BCAS3: variants seen among roughly 807,000 people sequenced by gnomAD.
The protein encoded by BCAS3 is BCAS3 microtubule associated cell migration factor, also known as BCAS4/BCAS3 fusion.
In BCAS3, 53 loss-of-function variants were observed where a neutral mutation model predicts 116.1. That is an observed-to-expected ratio of 0.46 (90% confidence interval 0.37 to 0.57). The LOEUF (loss-of-function observed/expected upper bound fraction) is 0.57. Among genes scored for constraint, BCAS3 ranks in the 20% least tolerant of loss-of-function variants. The probability of loss-of-function intolerance (pLI) is 0.00; values close to 1 mark genes in which losing one functional copy is unlikely to be tolerated. For missense variants in BCAS3, 917 were observed against 1,165.4 expected (o/e 0.79, Z 3.10); for synonymous variants, 391 against 408.2 (o/e 0.96, Z 0.51).
rs1368228974 is a variant in BCAS3 at position 61,339,362 on chromosome 17, G to A, written c.2426-28965G>A. On this transcript the variant is annotated intron_variant, in intron 22 of 23. Transcript: ENST00000407086. This position sits in a 1 kb window ranked among gnomAD's most constrained non-coding sequence, Gnocchi z 4.4. ...GATCCAGGGGATAAGGATACAATGG[G>A]AAGGCCCATGAAGCCGCCTAAAGGA... Among the ~76,000 whole-genome samples the A allele has an allele frequency of 6.6e-6, 1 of 152,200 alleles. No individual in the cohort carries two copies. The highest frequency in any genetic ancestry group is 2.4e-5 in the African/African-American group (1 of 41,438).
At chr17:61,127,416 A>G (rs1327192447) in intron 22 of BCAS3, among the ~76,000 whole-genome samples, 2 of 152,022 alleles carry the variant, frequency 1.3e-5, no homozygotes, top group Non-Finnish European at 2.9e-5. Context: ...ATAAGGGGAC[A>G]CTGGACATCT....
Position 60,960,163 on chromosome 17 carries a change from A to G in BCAS3, c.1221+12811A>G, listed in dbSNP as rs185905938. ...TGTATTCTATCCTCTGCCTCCCAGA[A>G]TTCATGTTCATGCCATATGCTAAGT... On this transcript the variant is annotated intron_variant, in intron 14 of 23. Coordinates refer to ENST00000407086, the MANE Select transcript of BCAS3 (RefSeq NM_017679.5). This position sits in a 1 kb window ranked among gnomAD's most constrained non-coding sequence, Gnocchi z 4.1. 9.2e-5 allele frequency among the ~76,000 whole-genome samples: 14 copies of G among 152,266 alleles called. No individual in the cohort carries two copies. The highest frequency in any genetic ancestry group is 9.2e-4 in the Admixed American group (14 of 15,290).
At chr17:60,901,882 A>C (rs2057918854) in intron 10 of BCAS3, among the ~76,000 whole-genome samples, 1 of 152,214 alleles carries the variant, frequency 6.6e-6, no homozygotes, top group Non-Finnish European at 1.5e-5. Flanking sequence ...TAAACATACA[A>C]ATCTGGCTAA....
In BCAS3 at chr17:61,261,368, C is replaced by A. The variant is rs781132385; in HGVS notation, c.2426-106959C>A. ...CTTATTCTCTGCTGCAGGATGCTAC[C>A]CCCTGACCCTTTATAAGTCAGCCTT... On this transcript the variant is annotated intron_variant, in intron 22 of 23. Transcript: ENST00000407086. This position sits in a 1 kb window ranked among gnomAD's most constrained non-coding sequence, Gnocchi z 4.4. Among the ~76,000 whole-genome samples the A allele has an allele frequency of 6.2e-4, 95 of 152,110 alleles. 1 individual carries two copies. Among genetic ancestry groups the A allele is most frequent in the Admixed American group, 2.4e-3 (37 of 15,268 alleles).
intron 9 of BCAS3, among the ~76,000 whole-genome samples, chr17:60,880,676 T>G (rs73320638): frequency 0.09 from 13,747 of 152,146 alleles, 2,059 homozygotes; most frequent in African/African-American, 0.31. Flanking sequence ...GTATGGACAC[T>G]AGTGCACAAG....
chr17:61,143,929 C>A (rs1212078966), intron 22 of BCAS3, among the ~76,000 whole-genome samples: 1 of 152,170 alleles, frequency 6.6e-6, no homozygotes, highest in African/African-American at 2.4e-5. Context: ...AGACTGAATC[C>A]TCAGTGTGAA....
At chr17:60,867,357 T>C (rs1033822173) in intron 7 of BCAS3, among the ~76,000 whole-genome samples, 1 of 152,012 alleles carries the variant, frequency 6.6e-6, no homozygotes, top group Non-Finnish European at 1.5e-5. Flanking sequence ...CTGCCTGTCT[T>C]GGCCTCCTAA....
At chr17:61,022,675 A>G (rs766837209) in intron 16 of BCAS3, among the ~76,000 whole-genome samples, 10 of 152,146 alleles carry the variant, frequency 6.6e-5, no homozygotes, top group African/African-American at 1.2e-4. Context: ...CCTAATGAAA[A>G]GTCACCCAGG....
At chr17:61,027,241 A>C (rs2066316100) in intron 16 of BCAS3, 2 of 431,532 alleles carry the variant, frequency 4.6e-6, no homozygotes, top group South Asian at 2.4e-5. Context: ...ATGGCATTAG[A>C]AGTTACCTAC....
chr17:60,852,732 A>T (rs566513793), intron 7 of BCAS3, among the ~76,000 whole-genome samples: 26 of 152,348 alleles, frequency 1.7e-4, no homozygotes, highest in Non-Finnish European at 3.1e-4. Flanking sequence ...GGGGAATTGC[A>T]AATTAAAAAT....
chr17:60,997,025 G>A (rs1476235506), intron 15 of BCAS3, among the ~76,000 whole-genome samples: 1 of 152,164 alleles, frequency 6.6e-6, no homozygotes, highest in Non-Finnish European at 1.5e-5. Flanking sequence ...GTGTGGGGAG[G>A]GGTGGGAGGT....
In BCAS3 at chr17:60,854,171, A is replaced by G. The variant is rs541997847; in HGVS notation, c.477-14405A>G. Among the ~76,000 whole-genome samples, 85 of 151,918 alleles carry G rather than the reference A, an allele frequency of 5.6e-4. 3 individuals are homozygous for G. In the South Asian group the frequency reaches 0.018, roughly 32 times the overall value. ...GTGTTTGGTTTTCTGTCCTTGTGAT[A>G]GTTTGCTGAGAATGATGGTTTCCAG... On this transcript the variant is annotated intron_variant, in intron 7 of 23. Coordinates refer to ENST00000407086, the MANE Select transcript of BCAS3 (RefSeq NM_017679.5).
Position 61,034,705 on chromosome 17 carries a change from G to T in BCAS3, c.1677G>T (p.Ser559=). Residue 559 remains serine (S), a synonymous_variant, in exon 17 of 24, where the codon TCG becomes TCT. Transcript: ENST00000407086. The surrounding 1 kb of genome is among the most constrained non-coding windows in gnomAD (Gnocchi z 5.0). ...CTCCACAAATTTCACCCAGCAAATC[G>T]ATGGGCGGAGAATTTTGTGTGGCTG... The part of the protein sequence containing the change: ...KPPPQISPSK[S]MGGEFCVAAI... 1 of 1,611,724 alleles carries T rather than the reference G, an allele frequency of 6.2e-7. No homozygotes were observed. The highest frequency in any genetic ancestry group is 8.5e-7 in the Non-Finnish European group (1 of 1,178,320).
chr17:60,700,262 G>C (rs1029969035), intron 4 of BCAS3, among the ~76,000 whole-genome samples: 1 of 152,146 alleles, frequency 6.6e-6, no homozygotes, highest in African/African-American at 2.4e-5. Context: ...TGGAGTAGCT[G>C]TTGTAGCTTA....
rs1428112826 is a variant in BCAS3 at position 61,316,082 on chromosome 17, A to G, written c.2426-52245A>G. Among the ~76,000 whole-genome samples the G allele has an allele frequency of 6.6e-6, 1 of 152,112 alleles. No homozygotes were observed. The highest frequency in any genetic ancestry group is 2.4e-5 in the African/African-American group (1 of 41,414). ...CATTTTGGGAAGTCGAGGCAGGTGG[A>G]TCACCTGAGGTCAGGAGTTCGAAAC... is the stretch of plus-strand genomic sequence containing the variant. On this transcript the variant is annotated intron_variant, in intron 22 of 23. Transcript: ENST00000407086. This position sits in a 1 kb window ranked among gnomAD's most constrained non-coding sequence, Gnocchi z 5.8.
chr17:60,870,375 C>T (rs1057066028), intron 8 of BCAS3, among the ~76,000 whole-genome samples: 34 of 152,076 alleles, frequency 2.2e-4, no homozygotes, highest in African/African-American at 8.0e-4. Flanking sequence ...TGGTTCACTC[C>T]CAGAAGCATA....
chr17:60,811,066 C>T (rs367547810), intron 7 of BCAS3: 32 of 635,490 alleles, frequency 5.0e-5, no homozygotes, highest in South Asian at 9.1e-5. Flanking sequence ...GGAGCTGAGA[C>T]GTACAGTCCA....
chr17:61,059,368 C>T (rs1470439300), intron 19 of BCAS3, among the ~76,000 whole-genome samples: 1 of 152,042 alleles, frequency 6.6e-6, no homozygotes, highest in Non-Finnish European at 1.5e-5. Flanking sequence ...AGGCGTGAGC[C>T]ACTGCACCTG....
At chr17:61,263,633 T>C (rs530539422) in intron 22 of BCAS3, among the ~76,000 whole-genome samples, 1 of 152,346 alleles carries the variant, frequency 6.6e-6, no homozygotes, top group African/African-American at 2.4e-5. Flanking sequence ...ATGTGGAAGA[T>C]CGGAGGATTA....
Sources: gnomAD v4.1 joint callset for allele counts (sites outside exome capture counted in the v4.1 genomes callset) on GRCh38, gnomAD v4.1.1 for gene constraint, Gnocchi (gnomAD v3.1) non-coding constraint, MANE v1.5 for transcripts, NCBI Gene and HGNC (gene_info 2026-07-23, HGNC 2026-07-21) for gene names.